The following NEK1 variants were observed in gnomAD, a reference collection of about 807,000 sequenced individuals.
The protein encoded by NEK1 is serine/threonine-protein kinase Nek1.
In NEK1, 137 loss-of-function variants were observed where a neutral mutation model predicts 182.1. That is an observed-to-expected ratio of 0.75 (90% CI 0.65 to 0.87). The LOEUF is 0.87. NEK1 is among the 40% of genes least tolerant of loss of function. NEK1 has a pLI of 0.00. For synonymous variants in NEK1, 513 were observed against 492.2 expected, an observed-to-expected ratio of 1.04 and a Z score of -0.56; for missense variants, 1,391 against 1,494.4, an observed-to-expected ratio of 0.93 and a Z score of 1.14.
In NEK1 at chr4:169,400,221, T is replaced by C. The variant is rs1185616220; in HGVS notation, c.3847+4A>G. On this transcript the variant is annotated splice_donor_region_variant and intron_variant, in intron 35 of 35. Transcript: ENST00000507142. The stretch of plus-strand genomic sequence containing the variant: ...AATTATACAGACATGTGAGGAAATC[T>C]TACCTTCTTGGTAGGCTCCATCTGC... 6.3e-7 allele frequency: 1 copy of C among 1,576,614 alleles called. No homozygotes were observed. The highest frequency in any genetic ancestry group is 1.7e-4 in the Middle Eastern group (1 of 5,976).
intron 12 of NEK1, among the ~76,000 whole-genome samples, chr4:169,563,178 A>T (rs924423160): frequency 6.6e-6 from 1 of 151,956 alleles, no homozygotes; most frequent in Non-Finnish European, 1.5e-5. Context: ...TGGATAACAT[A>T]GTGAGTCCCC....
In NEK1 at chr4:169,576,734, A is replaced by G. The variant is rs977694361; in HGVS notation, c.1020+194T>C. On this transcript the variant is annotated intron_variant, in intron 12 of 35. Coordinates refer to ENST00000507142, the MANE Select transcript of NEK1 (RefSeq NM_001199397.3). ...TATTACACTAATTATATTACTTAAT[A>G]TATTTACTTAATGACTTTTTATGAC... The G allele has an allele frequency of 1.3e-5, 6 of 467,010 alleles. No individual in the cohort carries two copies. In the South Asian group the frequency reaches 1.3e-4, roughly 10 times the overall value. 28.9% of individuals were successfully genotyped at this position (467,010 alleles called of 1,614,324 possible).
At chr4:169,531,232 A>T (rs1168580765) in intron 19 of NEK1, among the ~76,000 whole-genome samples, 1 of 152,114 alleles carries the variant, frequency 6.6e-6, no homozygotes, top group African/African-American at 2.4e-5. Flanking sequence ...TAAGATGAGG[A>T]TTAAAAATAG....
intron 27 of NEK1, among the ~76,000 whole-genome samples, chr4:169,453,632 C>T (rs910732365): frequency 7.2e-5 from 11 of 152,236 alleles, no homozygotes; most frequent in Non-Finnish European, 1.2e-4. Flanking sequence ...ATAGCATGAG[C>T]GATCTGTGCT....
chr4:169,413,972 G>A (rs1269119066), intron 31 of NEK1, among the ~76,000 whole-genome samples: 1 of 152,152 alleles, frequency 6.6e-6, no homozygotes, highest in Non-Finnish European at 1.5e-5. Context: ...AGCCAAGATT[G>A]TGCCACTGCA....
intron 4 of NEK1, 69 bp from the exon 5 acceptor site, chr4:169,599,266 C>T: frequency 8.7e-7 from 1 of 1,148,672 alleles, no homozygotes; most frequent in African/African-American, 1.5e-5. Flanking sequence ...ATTAAAAGTA[C>T]TTAAAAGCTT....
intron 23 of NEK1, among the ~76,000 whole-genome samples, chr4:169,484,084 T>C (rs185597227): frequency 7.9e-4 from 120 of 152,338 alleles, no homozygotes; most frequent in African/African-American, 2.8e-3. Context: ...AGAACAAATA[T>C]GTTATTTCTC....
At chr4:169,425,205 T>C (rs968892458) in intron 30 of NEK1, among the ~76,000 whole-genome samples, 1 of 149,986 alleles carries the variant, frequency 6.7e-6, no homozygotes, top group Non-Finnish European at 1.5e-5. Flanking sequence ...AGGTGGAGGA[T>C]TGCTTGAGGC....
chr4:169,550,083 C>A (rs1283660993), intron 18 of NEK1, among the ~76,000 whole-genome samples: 3 of 152,100 alleles, frequency 2.0e-5, no homozygotes, highest in African/African-American at 4.8e-5. Flanking sequence ...ATTGAAACTC[C>A]CATAATTCCC....
At chr4:169,562,060 C>CT in intron 13 of NEK1, 77 bp downstream of exon 13, 1 of 1,209,472 alleles carries the variant, frequency 8.3e-7, no homozygotes, top group Middle Eastern at 2.4e-4. Context: ...GGTTTGGAGG[C>CT]TTTATAGTAA....
intron 6 of NEK1, 94 bp from the exon 7 acceptor site, chr4:169,589,608 A>C: frequency 1.2e-6 from 1 of 809,602 alleles, no homozygotes; most frequent in Non-Finnish European, 1.9e-6. Context: ...CCAGTTAAAA[A>C]AATTGTGCTA....
intron 13 of NEK1, 50 bp downstream of exon 13, chr4:169,562,087 T>A (rs1428804965): frequency 7.2e-7 from 1 of 1,394,306 alleles, no homozygotes; most frequent in Non-Finnish European, 9.8e-7. Flanking sequence ...GTTTCTTTTT[T>A]AAAATTATGT....
chr4:169,430,807 G>A (rs1737281274), intron 29 of NEK1, among the ~76,000 whole-genome samples: 1 of 151,506 alleles, frequency 6.6e-6, no homozygotes. Flanking sequence ...ATACATTAAT[G>A]CAAGATGTTA....
chr4:169,512,242 T>C lies in NEK1; in HGVS notation c.1666-3390A>G, dbSNP rs543600052. Among the ~76,000 whole-genome samples the C allele has an allele frequency of 7.2e-5, 11 of 152,294 alleles. 1 individual carries two copies. The South Asian group carries it at 2.3e-3, about 32-fold the overall frequency. ...TCATTTTACATTCCAAACAACAATG[T>C]ATAGGTGACCAGTTTCTTCAAAACT... On this transcript the variant is annotated intron_variant, in intron 19 of 35. Coordinates refer to ENST00000507142, the MANE Select transcript of NEK1 (RefSeq NM_001199397.3).
intron 18 of NEK1, among the ~76,000 whole-genome samples, chr4:169,547,357 G>T (rs1405084776): frequency 6.6e-6 from 1 of 152,100 alleles, no homozygotes; most frequent in Non-Finnish European, 1.5e-5. Flanking sequence ...TAGTCCGATG[G>T]GCTTCCCTTT....
At chr4:169,599,577 C>G (rs901175976) in intron 4 of NEK1, among the ~76,000 whole-genome samples, 15 of 152,138 alleles carry the variant, frequency 9.9e-5, no homozygotes, top group Admixed American at 7.2e-4. Flanking sequence ...GATGGGTTAT[C>G]TTAGTTTTCT....
chr4:169,609,676 T>C (rs1035257896), intron 2 of NEK1, among the ~76,000 whole-genome samples: 6 of 152,160 alleles, frequency 3.9e-5, no homozygotes, highest in African/African-American at 1.4e-4. Flanking sequence ...AGATACACAA[T>C]AAACTAGTAA....
Position 169,508,833 on chromosome 4 carries a change from G to T in NEK1, c.1685C>A (p.Ala562Glu). 1 of 1,591,098 alleles carries T rather than the reference G, an allele frequency of 6.3e-7. No individual in the cohort carries two copies. The highest frequency in any genetic ancestry group is 8.5e-7 in the Non-Finnish European group (1 of 1,176,288). ...GCTGGGCCTGCCTCCATACATAGCT[G>T]CCAGGTTTTGCAGGATTCCCTGTTT... ...EGHMGILQNL[A>E]AMYGGRPSSS... Residue 562 changes from alanine (A) to glutamate (E), a missense_variant, in exon 20 of 36, where the codon GCA becomes GAA. By Grantham distance (107) the Ala-to-Glu change is moderately radical (BLOSUM62 -1). Coordinates refer to ENST00000507142, the MANE Select transcript of NEK1 (RefSeq NM_001199397.3).
chr4:169,505,580 T>G (rs1359793110), intron 23 of NEK1, among the ~76,000 whole-genome samples: 1 of 152,256 alleles, frequency 6.6e-6, no homozygotes, highest in Non-Finnish European at 1.5e-5. Flanking sequence ...AAGTCGTATG[T>G]GAATTTTTGA....
Sources: gnomAD v4.1 joint callset for allele counts (sites outside exome capture counted in the v4.1 genomes callset) on GRCh38, gnomAD v4.1.1 for gene constraint, MANE v1.5 for transcripts, NCBI Gene and HGNC (gene_info 2026-07-23, HGNC 2026-07-21) for gene names.